THOP1: variants seen among roughly 807,000 people sequenced by gnomAD.
The protein encoded by THOP1 is thimet oligopeptidase.
A neutral mutation model predicts 71.8 loss-of-function variants in THOP1; 49 were observed. The observed-to-expected ratio is 0.68, with a 90% confidence interval of 0.54 to 0.87. THOP1 has a LOEUF of 0.87. Ranked by LOEUF, THOP1 falls within the 40% of genes least tolerant of loss-of-function variation. THOP1 has a pLI of 0.00. For missense variants in THOP1, 843 were observed against 975.6 expected (o/e 0.86, Z 1.81); for synonymous variants, 426 against 421.5 (o/e 1.01, Z -0.13).
At chr19:2,808,559 G>C (rs1599531714) in intron 9 of THOP1, 115 bp downstream of exon 9, 1 of 1,224,872 alleles carries the variant, frequency 8.2e-7, no homozygotes, top group Non-Finnish European at 1.1e-6. Flanking sequence ...CCGTCCGGTG[G>C]CTCCTTCATC....
At position 2,801,975 on chromosome 19, in the gene THOP1, C is replaced by G. The variant is rs1916153223; in HGVS notation, c.589+2184C>G. Reference sequence around the variant, plus strand: ...CTGCCATCTCCCAATACCACCATCTCCAACACCGCCATCTCCCGATACCCA... The same window carrying G: ...CTGCCATCTCCCAATACCACCATCTGCAACACCGCCATCTCCCGATACCCA... On this transcript the variant is annotated intron_variant, in intron 5 of 12. Transcript: ENST00000307741. The surrounding 1 kb of genome is among the most constrained non-coding windows in gnomAD (Gnocchi z 5.1). Among the ~76,000 whole-genome samples the G allele has an allele frequency of 6.6e-6, 1 of 152,040 alleles. No homozygotes were observed. Among genetic ancestry groups the G allele is most frequent in the African/African-American group, 2.4e-5 (1 of 41,366 alleles).
In THOP1 at chr19:2,794,900, C is replaced by T. The variant is rs746544836; in HGVS notation, c.366C>T (p.Ile122=). The change falls in exon 3 of 13, where the codon ATC becomes ATT. Residue 122 remains isoleucine, a synonymous_variant. Transcript: ENST00000307741. ...TGAGGGAGGACGTGTACCAGAGGAT[C>T]GTGTGGCTCCAGGTGAGGGGGCCCT... ...MSMREDVYQR[I]VWLQEKVQKD... is the part of the protein sequence containing the mutation. The T allele has an allele frequency of 1.3e-5, 21 of 1,611,778 alleles. No individual in the cohort carries two copies. The highest frequency in any genetic ancestry group is 1.6e-4 in the Middle Eastern group (1 of 6,070).
intron 2 of THOP1, among the ~76,000 whole-genome samples, chr19:2,794,521 A>G (rs992436448): frequency 3.3e-5 from 5 of 151,746 alleles, no homozygotes; most frequent in Admixed American, 3.3e-4. Flanking sequence ...TTGAATCCTT[A>G]TTTTTCTTCG....
chr19:2,808,360 C>T lies in THOP1; in HGVS notation c.1371C>T (p.Ala457=), dbSNP rs146177643. ...AMVANFTKPT[A]DAPSLLQHDE... Reference sequence around the variant, plus strand: ...TGGCCAACTTCACCAAGCCCACAGCCGACGCGCCCTCGCTGCTGCAGCATG... The same window carrying T: ...TGGCCAACTTCACCAAGCCCACAGCTGACGCGCCCTCGCTGCTGCAGCATG... Residue 457 remains alanine, a synonymous_variant, in exon 9 of 13, where the codon GCC becomes GCT. Coordinates refer to ENST00000307741, the MANE Select transcript of THOP1 (RefSeq NM_003249.5). The T allele has an allele frequency of 3.5e-5, 56 of 1,610,022 alleles. No homozygotes were observed. In the African/African-American group the frequency reaches 5.6e-4, roughly 16 times the overall value.
rs377760986 is a variant in THOP1, at chr19:2,808,301, G to A, written c.1312G>A (p.Asp438Asn). 6 of 1,575,340 alleles carry A rather than the reference G, an allele frequency of 3.8e-6. No homozygotes were observed. In the African/African-American group the frequency reaches 8.1e-5, roughly 21 times the overall value. Residue 438 changes from aspartate (D) to asparagine (N), a missense_variant, in exon 9 of 13, where the codon GAT becomes AAT. Transcript: ENST00000307741. ...CCTGCAGCCCGGCTGCCTGCGGCAG[G>A]ATGGGAGCCGCCAGATCGCCATCGC... ...FGLQPGCLRQ[D>N]GSRQIAIAAM...
chr19:2,803,818 G>A (rs1055125726), intron 5 of THOP1, among the ~76,000 whole-genome samples: 2 of 152,050 alleles, frequency 1.3e-5, no homozygotes, highest in Admixed American at 1.3e-4. Flanking sequence ...CCCACGGGCT[G>A]GCCTCCCAAA....
At chr19:2,798,170 G>A (rs1430758257) in intron 4 of THOP1, among the ~76,000 whole-genome samples, 3 of 151,928 alleles carry the variant, frequency 2.0e-5, no homozygotes, top group African/African-American at 4.8e-5. Flanking sequence ...CTGGGATTAC[G>A]GGCACCCGCC....
chr19:2,806,847 CAG>C, intron 6 of THOP1, 68 bp from the exon 7 acceptor site: 2 of 1,604,664 alleles, frequency 1.2e-6, no homozygotes, highest in Non-Finnish European at 1.7e-6. Flanking sequence ...GGCCCTGGGA[CAG>C]GGCGTGCTGG....
chr19:2,790,271 T>C lies in THOP1; in HGVS notation c.17-150T>C, dbSNP rs549897409. On this transcript the variant is annotated intron_variant, in intron 1 of 12. Coordinates refer to ENST00000307741, the MANE Select transcript of THOP1 (RefSeq NM_003249.5). ...AGAGTAGCCTCCTGCTCTAGAGGAC[T>C]GGTCAGTCTGTGCTTCCCTACAAGA... is the stretch of plus-strand genomic sequence containing the variant. 7.0e-5 allele frequency: 47 copies of C among 672,632 alleles called. No homozygotes were observed. In the Middle Eastern group the frequency reaches 1.8e-3, roughly 25 times the overall value. The allele number at this position is 672,632 out of a possible 1,614,324, so 41.7% of individuals were successfully genotyped here.
chr19:2,792,689 C>G (rs1347295027), intron 2 of THOP1, among the ~76,000 whole-genome samples: 1 of 151,584 alleles, frequency 6.6e-6, no homozygotes, highest in African/African-American at 2.4e-5. Context: ...GAGTCTCGCT[C>G]TGTCACCCAG....
In THOP1 at chr19:2,804,212, GT is replaced by G. The variant is rs1568323510; in HGVS notation, c.590-801del. ...AGCCATGAGGTAGGAACCCCAGAGG[GT>G]TTCAGTCCGGGATGCTGCCGCCCCC... On this transcript the variant is annotated intron_variant, in intron 5 of 12. Transcript: ENST00000307741. This position sits in a 1 kb window ranked among gnomAD's most constrained non-coding sequence, Gnocchi z 4.7. 6.6e-6 allele frequency among the ~76,000 whole-genome samples: 1 copy of G among 152,240 alleles called. No homozygotes were observed. The highest frequency in any genetic ancestry group is 1.5e-5 in the Non-Finnish European group (1 of 68,034).
intron 9 of THOP1, 38 bp downstream of exon 9, chr19:2,808,482 G>A (rs955066275): frequency 2.6e-5 from 40 of 1,544,924 alleles, no homozygotes; most frequent in Non-Finnish European, 3.3e-5. Context: ...GGCAGGGGCA[G>A]GGGCAGGGGC....
At chr19:2,812,230 A>G in intron 12 of THOP1, 1 of 1,531,706 alleles carries the variant, frequency 6.5e-7, no homozygotes, top group Non-Finnish European at 8.7e-7. Context: ...CCGTTACGCC[A>G]TGTGAGCCTG....
rs916318053 is a variant in THOP1, at chr19:2,805,365, C to T, written c.750+189C>T. Among the ~76,000 whole-genome samples, 1 of 152,204 alleles carries T rather than the reference C, an allele frequency of 6.6e-6. No homozygotes were observed. Among genetic ancestry groups the T allele is most frequent in the African/African-American group, 2.4e-5 (1 of 41,448 alleles). ...GTGCCCTGGAGGTGTCTGTGCTGGG[C>T]TCCACCCAGACCCTGGGGCCACAGC... On this transcript the variant is annotated intron_variant, in intron 6 of 12. Coordinates refer to ENST00000307741, the MANE Select transcript of THOP1 (RefSeq NM_003249.5). The surrounding 1 kb of genome is among the most constrained non-coding windows in gnomAD (Gnocchi z 6.6).
intron 5 of THOP1, among the ~76,000 whole-genome samples, chr19:2,803,906 C>T (rs1438623090): frequency 2.0e-5 from 3 of 152,060 alleles, no homozygotes; most frequent in Non-Finnish European, 2.9e-5. Context: ...CGTGAGCTCC[C>T]GATCATTCTT....
chr19:2,799,628 C>T (rs1916097737), intron 4 of THOP1, 61 bp from the exon 5 acceptor site: 17 of 1,380,596 alleles, frequency 1.2e-5, no homozygotes, highest in Admixed American at 5.1e-5. Flanking sequence ...CCAGGCGTTG[C>T]GTCTCCCCGC....
chr19:2,786,585 GTTTA>G (rs909439217), intron 1 of THOP1, among the ~76,000 whole-genome samples: 11 of 151,934 alleles, frequency 7.2e-5, no homozygotes, highest in South Asian at 4.2e-4. Flanking sequence ...CCTGTGTACT[GTTTA>G]TTTATTTATT....
chr19:2,788,725 C>A (rs1486692512), intron 1 of THOP1, among the ~76,000 whole-genome samples: 1 of 151,606 alleles, frequency 6.6e-6, no homozygotes, highest in African/African-American at 2.4e-5. Flanking sequence ...GTGATCCACC[C>A]GCCTTGGCCT....
chr19:2,812,304 A>AG (rs1916498038), intron 12 of THOP1: 8 of 1,535,384 alleles, frequency 5.2e-6, no homozygotes, highest in Non-Finnish European at 7.0e-6. Flanking sequence ...CACAAGGAAC[A>AG]GGTGGCTACC....
Sources: gnomAD v4.1 joint callset for allele counts (sites outside exome capture counted in the v4.1 genomes callset) on GRCh38, gnomAD v4.1.1 for gene constraint, Gnocchi (gnomAD v3.1) non-coding constraint, MANE v1.5 for transcripts, NCBI Gene and HGNC (gene_info 2026-07-23, HGNC 2026-07-21) for gene names.